The following PEX7 variants were observed in gnomAD, a reference collection of about 807,000 sequenced individuals.
PEX7 encodes PTS2 receptor.
A neutral mutation model predicts 47.5 loss-of-function variants in PEX7; 34 were observed. The observed-to-expected ratio is 0.72, with a 90% CI of 0.54 to 0.95. The LOEUF is 0.95. Ranked by LOEUF, PEX7 falls within the 40% of genes least tolerant of loss-of-function variation. The pLI, the probability that PEX7 is intolerant of heterozygous loss-of-function variation, is 0.00. For missense variants in PEX7, 394 were observed against 400.3 expected (o/e 0.98, Z 0.13); for synonymous variants, 141 against 148.8 (o/e 0.95, Z 0.38).
rs886061121 is a variant in PEX7, at chr6:136,826,446, G to C, written c.316G>C (p.Val106Leu). The C allele has an allele frequency of 3.1e-6, 5 of 1,613,978 alleles. No homozygotes were observed. The African/African-American group carries it at 5.3e-5, about 17-fold the overall frequency. Residue 106 changes from valine to leucine, a missense_variant, in exon 3 of 10, where the codon GTC becomes CTC. Coordinates refer to ENST00000318471, the MANE Select transcript of PEX7 (RefSeq NM_000288.4). ...TGCCAAAGCTGCAGGGCCACTGCAAGTCTATAAAGAACACGCTCAGGAGGT... is the reference window on the plus strand; with the variant it reads ...TGCCAAAGCTGCAGGGCCACTGCAACTCTATAAAGAACACGCTCAGGAGGT... ...DTAKAAGPLQVYKEHAQEVYS... is the reference protein window; with the variant it reads ...DTAKAAGPLQLYKEHAQEVYS...
chr6:136,878,806 T>A (rs979128751), intron 8 of PEX7, among the ~76,000 whole-genome samples: 2 of 152,218 alleles, frequency 1.3e-5, no homozygotes, highest in Admixed American at 6.5e-5. Context: ...TTTTATGTTA[T>A]GATTATTATT....
rs574341341 is a variant in PEX7, at chr6:136,826,244, A to G, written c.189-75A>G. On this transcript the variant is annotated intron_variant, in intron 2 of 9. Coordinates refer to ENST00000318471, the MANE Select transcript of PEX7 (RefSeq NM_000288.4). ...ATAAATTGAAAGAAAAAAAACCATAATTGTTATTTTTTTTGTTGTGTAGCT... is the reference window on the plus strand; with the variant it reads ...ATAAATTGAAAGAAAAAAAACCATAGTTGTTATTTTTTTTGTTGTGTAGCT... 3.5e-4 allele frequency: 526 copies of G among 1,504,714 alleles called. 9 individuals are homozygous for G. The South Asian group carries it at 5.6e-3, about 16-fold the overall frequency. The allele number at this position is 1,504,714 out of a possible 1,614,324, so 93.2% of individuals were successfully genotyped here.
At chr6:136,857,580 ATAT>A (rs1774883890) in intron 5 of PEX7, among the ~76,000 whole-genome samples, 1 of 152,218 alleles carries the variant, frequency 6.6e-6, no homozygotes. Flanking sequence ...AGGAGAGGTA[ATAT>A]AGCACAGTGG....
At chr6:136,824,889 T>C (rs1433025548) in intron 1 of PEX7, among the ~76,000 whole-genome samples, 1 of 152,232 alleles carries the variant, frequency 6.6e-6, no homozygotes, top group Non-Finnish European at 1.5e-5. Context: ...TCTGGTGCCT[T>C]GTCTGGCTAC....
chr6:136,861,257 G>A (rs1774959152), intron 5 of PEX7, among the ~76,000 whole-genome samples: 1 of 151,752 alleles, frequency 6.6e-6, no homozygotes, highest in African/African-American at 2.4e-5. Flanking sequence ...ACTAATTTTT[G>A]TATTTTCTGT....
chr6:136,902,044 C>T (rs773132863), intron 9 of PEX7, among the ~76,000 whole-genome samples: 2 of 152,194 alleles, frequency 1.3e-5, no homozygotes, highest in Non-Finnish European at 2.9e-5. Flanking sequence ...CTCAGCCTCC[C>T]AAAGTGCTGA....
intron 5 of PEX7, among the ~76,000 whole-genome samples, chr6:136,850,706 C>T (rs573077428): frequency 2.6e-5 from 4 of 152,210 alleles, no homozygotes; most frequent in African/African-American, 9.6e-5. Flanking sequence ...AACACTGTTT[C>T]AGAACCTGTG....
chr6:136,913,303 CT>C (rs2115299868), intron 9 of PEX7, among the ~76,000 whole-genome samples, 154 bp from the exon 10 acceptor site: 1 of 152,212 alleles, frequency 6.6e-6, no homozygotes, highest in East Asian at 1.9e-4. Flanking sequence ...GAATATGGAC[CT>C]TTTATCAAAA....
intron 5 of PEX7, among the ~76,000 whole-genome samples, chr6:136,857,423 T>C (rs1046561637): frequency 6.6e-6 from 1 of 152,222 alleles, no homozygotes; most frequent in Admixed American, 6.5e-5. Context: ...GTCAGATATT[T>C]ATTGAATGTC....
chr6:136,841,875 C>T (rs1181793505), intron 3 of PEX7, among the ~76,000 whole-genome samples: 1 of 151,244 alleles, frequency 6.6e-6, no homozygotes, highest in Non-Finnish European at 1.5e-5. Context: ...CATGAGCCAC[C>T]GTGCCTGGTG....
Position 136,822,873 on chromosome 6 carries a change from C to T in PEX7, c.130+78C>T, listed in dbSNP as rs371233406. The T allele has an allele frequency of 4.9e-6, 6 of 1,223,430 alleles. No individual in the cohort carries two copies. In the African/African-American group the frequency reaches 7.9e-5, roughly 16 times the overall value. The allele number at this position is 1,223,430 out of a possible 1,614,324, so 75.8% of individuals were successfully genotyped here. A position where few individuals can be genotyped will look rare whatever the true frequency, so the allele number is the denominator to read the frequency against. ...CAGCCGGGCTCCAGTTCCTCGCGCTCGAGGGAAAGCCCCTCTGAGCGTAGA... is the reference window on the plus strand; with the variant it reads ...CAGCCGGGCTCCAGTTCCTCGCGCTTGAGGGAAAGCCCCTCTGAGCGTAGA... On this transcript the variant is annotated intron_variant, in intron 1 of 9. Coordinates refer to ENST00000318471, the MANE Select transcript of PEX7 (RefSeq NM_000288.4).
rs535902159 is a variant in PEX7, at chr6:136,902,661, C to T, written c.903+4420C>T. Among the ~76,000 whole-genome samples, 76 of 151,908 alleles carry T rather than the reference C, an allele frequency of 5.0e-4. 2 individuals carry two copies. The highest frequency in any genetic ancestry group is 1.8e-3 in the African/African-American group (75 of 41,438). ...ATCCTTCTTATTTCTAAATTAGATA[C>T]TCTTTTTCTTTTTGTAGACTTGTGA... On this transcript the variant is annotated intron_variant, in intron 9 of 9. Coordinates refer to ENST00000318471, the MANE Select transcript of PEX7 (RefSeq NM_000288.4).
At chr6:136,842,787 A>G (rs571833231) in intron 3 of PEX7, among the ~76,000 whole-genome samples, 17 of 152,346 alleles carry the variant, frequency 1.1e-4, no homozygotes, top group African/African-American at 4.1e-4. Context: ...TAAATAAAAT[A>G]TGGTAAATGC....
intron 9 of PEX7, among the ~76,000 whole-genome samples, chr6:136,906,999 T>C (rs1183464441): frequency 6.6e-6 from 1 of 152,192 alleles, no homozygotes; most frequent in Non-Finnish European, 1.5e-5. Flanking sequence ...CCATCCTATG[T>C]AATCCTCTAT....
intron 5 of PEX7, among the ~76,000 whole-genome samples, chr6:136,856,565 T>G (rs1774865886): frequency 6.6e-6 from 1 of 152,198 alleles, no homozygotes; most frequent in East Asian, 1.9e-4. Context: ...CCAGACTGTT[T>G]CATTTTCTGT....
At position 136,852,830 on chromosome 6, in the gene PEX7, C is replaced by T. The variant is rs376659401; in HGVS notation, c.526+6649C>T. 1.9e-4 allele frequency among the ~76,000 whole-genome samples: 13 copies of T among 69,982 alleles called. 1 individual carries two copies. Among genetic ancestry groups the T allele is most frequent in the Admixed American group, 7.1e-4 (4 of 5,638 alleles). The allele number at this position is 69,982 out of a possible 152,430, so 45.9% of individuals were successfully genotyped here. ...AACTACTTTAAAGTTCATATGGAAC[C>T]AAAAAAGAGCCCGCATCGCCAAGTC... On this transcript the variant is annotated intron_variant, in intron 5 of 9. Transcript: ENST00000318471.
chr6:136,823,616 T>C (rs1250732157), intron 1 of PEX7, among the ~76,000 whole-genome samples: 1 of 151,712 alleles, frequency 6.6e-6, no homozygotes, highest in Non-Finnish European at 1.5e-5. Context: ...CCAAGCGCCG[T>C]GCGGTGGCTC....
At chr6:136,911,905 C>A (rs1399952388) in intron 9 of PEX7, among the ~76,000 whole-genome samples, 1 of 152,188 alleles carries the variant, frequency 6.6e-6, no homozygotes, top group East Asian at 1.9e-4. Flanking sequence ...ACCTTCCCTA[C>A]CAGCAATGTA....
intron 3 of PEX7, among the ~76,000 whole-genome samples, chr6:136,832,132 T>C (rs929766638): frequency 1.2e-4 from 18 of 152,370 alleles, no homozygotes; most frequent in African/African-American, 4.3e-4. Flanking sequence ...TTTCCATACA[T>C]CCTCTGAAAT....
Sources: allele counts gnomAD v4.1 joint callset (sites outside exome capture counted in the v4.1 genomes callset), GRCh38; gene constraint gnomAD v4.1.1; transcripts MANE v1.5; gene names NCBI Gene and HGNC (gene_info 2026-07-23, HGNC 2026-07-21).